FOCAD: variants seen among roughly 807,000 people sequenced by gnomAD.
FOCAD encodes KIAA1797.
In FOCAD, 198 loss-of-function variants were observed where a neutral mutation model predicts 225.6. That is an observed-to-expected ratio of 0.88 (90% CI 0.78 to 0.99). The LOEUF (loss-of-function observed/expected upper bound fraction) is 0.99. Ranked by LOEUF, FOCAD falls within the 50% of genes least tolerant of loss-of-function variation. The probability of loss-of-function intolerance (pLI) is 0.00; values close to 1 mark genes in which losing one functional copy is unlikely to be tolerated. For missense variants in FOCAD, 2,713 were observed against 2,123.6 expected, an observed-to-expected ratio of 1.28 and a Z score of -5.46; for synonymous variants, 897 against 755.0, an observed-to-expected ratio of 1.19 and a Z score of -3.08.
Position 20,715,301 on chromosome 9 carries a change from ATTCTT to A in FOCAD, c.-32-18_-32-14del. The stretch of plus-strand genomic sequence containing the variant: ...CAGACCAGTTGGAAGACTAACAAAT[ATTCTT>A]TTGTTTTGGTTACAGAAGCTGCACA... On this transcript the variant is annotated splice_polypyrimidine_tract_variant and intron_variant, in intron 1 of 43. Transcript: ENST00000338382. 2 of 1,204,512 alleles carry A rather than the reference ATTCTT, an allele frequency of 1.7e-6. No individual in the cohort carries two copies. The highest frequency in any genetic ancestry group is 4.2e-5 in the South Asian group (2 of 47,226). 74.6% of individuals were successfully genotyped at this position (1,204,512 alleles called of 1,614,324 possible).
At chr9:20,843,815 A>C (rs1207391392) in intron 15 of FOCAD, among the ~76,000 whole-genome samples, 1 of 152,174 alleles carries the variant, frequency 6.6e-6, no homozygotes, top group East Asian at 1.9e-4. Context: ...AGTGGCTGCC[A>C]CTTAATAAAT....
intron 21 of FOCAD, among the ~76,000 whole-genome samples, chr9:20,887,049 AC>A (rs1831157416): frequency 6.6e-6 from 1 of 152,116 alleles, no homozygotes; most frequent in African/African-American, 2.4e-5. Context: ...TTCTAGAAAT[AC>A]ATTTGGATTT....
intron 15 of FOCAD, among the ~76,000 whole-genome samples, chr9:20,824,212 A>G (rs1344959119): frequency 6.6e-6 from 1 of 152,108 alleles, no homozygotes; most frequent in Non-Finnish European, 1.5e-5. Flanking sequence ...TCTGTCAGTC[A>G]TCTGAGATTG....
At position 20,823,075 on chromosome 9, in the gene FOCAD, C is replaced by T. The variant is rs925918971; in HGVS notation, c.1880C>T (p.Ala627Val). 2 of 1,608,890 alleles carry T rather than the reference C, an allele frequency of 1.2e-6. No individual in the cohort carries two copies. The highest frequency in any genetic ancestry group is 8.5e-7 in the Non-Finnish European group (1 of 1,177,958). The part of the protein sequence containing the change: ...CTKPDQATPA[A>V]LVLQGLHALC... Reference sequence around the variant, plus strand: ...AAGCCTGATCAAGCTACTCCAGCAGCCTTGGTATTACAGGGTCTTCATGCA... The same window carrying T: ...AAGCCTGATCAAGCTACTCCAGCAGTCTTGGTATTACAGGGTCTTCATGCA... The change falls in exon 15 of 44, where the codon GCC (alanine) becomes GTC (valine). Residue 627 changes from alanine (A) to valine (V), a missense_variant. Ala to Val is a moderately conservative substitution (Grantham distance 64, BLOSUM62 0). Coordinates refer to ENST00000338382, the MANE Select transcript of FOCAD (RefSeq NM_001375567.1).
chr9:20,777,074 T>G (rs576293505), intron 8 of FOCAD, among the ~76,000 whole-genome samples: 2 of 152,276 alleles, frequency 1.3e-5, no homozygotes, highest in African/African-American at 4.8e-5. Flanking sequence ...TTCACGAATT[T>G]TTTTCTTTTG....
chr9:20,962,701 A>G (rs1838862719), intron 35 of FOCAD, among the ~76,000 whole-genome samples: 1 of 152,122 alleles, frequency 6.6e-6, no homozygotes, highest in Non-Finnish European at 1.5e-5. Context: ...GTTCGGATAT[A>G]CTGTTTATAT....
chr9:20,891,788 G>C (rs1216152630), intron 21 of FOCAD, among the ~76,000 whole-genome samples: 6 of 152,194 alleles, frequency 3.9e-5, no homozygotes, highest in African/African-American at 1.4e-4. Context: ...GATCTAGCTA[G>C]GATCATTGAT....
chr9:20,746,486 T>G (rs1222343298), intron 5 of FOCAD, among the ~76,000 whole-genome samples: 1 of 152,208 alleles, frequency 6.6e-6, no homozygotes, highest in Non-Finnish European at 1.5e-5. Flanking sequence ...TGTATTGAAA[T>G]AATTTTAAAG....
At chr9:20,909,191 T>C (rs573097174) in intron 22 of FOCAD, among the ~76,000 whole-genome samples, 35 of 152,240 alleles carry the variant, frequency 2.3e-4, no homozygotes, top group African/African-American at 8.4e-4. Context: ...GAGTAACTAG[T>C]GTGTGTCCAG....
intron 1 of FOCAD, among the ~76,000 whole-genome samples, chr9:20,685,759 A>G (rs1480038786): frequency 6.6e-6 from 1 of 152,202 alleles, no homozygotes; most frequent in East Asian, 1.9e-4. Flanking sequence ...TATCAATATT[A>G]TATCTATTTT....
intron 15 of FOCAD, among the ~76,000 whole-genome samples, chr9:20,836,706 T>A (rs774973047): frequency 3.2e-4 from 48 of 152,118 alleles, no homozygotes; most frequent in Non-Finnish European, 4.0e-4. Flanking sequence ...TTTGTCACCC[T>A]GCAAGTAGAT....
At chr9:20,722,476 C>A (rs188084242) in intron 4 of FOCAD, among the ~76,000 whole-genome samples, 1 of 152,226 alleles carries the variant, frequency 6.6e-6, no homozygotes, top group African/African-American at 2.4e-5. Flanking sequence ...TTCTCTGCTG[C>A]GCTAATTGTT....
At chr9:20,926,176 A>G in intron 25 of FOCAD, 125 bp from the exon 26 acceptor site, 1 of 622,568 alleles carries the variant, frequency 1.6e-6, no homozygotes, top group Non-Finnish European at 2.9e-6. Flanking sequence ...GTCCAAGCAG[A>G]TGAAGTTTAC....
chr9:20,928,497 T>C (rs1474337439), intron 26 of FOCAD, among the ~76,000 whole-genome samples: 2 of 152,172 alleles, frequency 1.3e-5, no homozygotes, highest in African/African-American at 2.4e-5. Flanking sequence ...AAACTTTAAA[T>C]TGGATAATAG....
At position 20,725,111 on chromosome 9, in the gene FOCAD, G is replaced by A. The variant is rs1826081799; in HGVS notation, c.287+4577G>A. 3.3e-5 allele frequency among the ~76,000 whole-genome samples: 5 copies of A among 152,330 alleles called. No homozygotes were observed. The South Asian group carries it at 1.0e-3, about 32-fold the overall frequency. On this transcript the variant is annotated intron_variant, in intron 4 of 43. Transcript: ENST00000338382. ...TTGCTTGAACCTGGAAGCAGAGGTA[G>A]CATTGAGCCAAGATCGCACTACTGC...
At chr9:20,924,995 C>A (rs751877729) in intron 25 of FOCAD, among the ~76,000 whole-genome samples, 1 of 152,030 alleles carries the variant, frequency 6.6e-6, no homozygotes, top group African/African-American at 2.4e-5. Context: ...GTGGGGAAGA[C>A]GGAACTCTGC....
intron 24 of FOCAD, among the ~76,000 whole-genome samples, chr9:20,922,823 A>T (rs529139356): frequency 6.6e-6 from 1 of 152,338 alleles, no homozygotes; most frequent in Admixed American, 6.5e-5. Flanking sequence ...CGAATTGGCA[A>T]ACCTAGAGCA....
At chr9:20,898,982 G>C (rs150433841) in intron 21 of FOCAD, among the ~76,000 whole-genome samples, 1 of 151,722 alleles carries the variant, frequency 6.6e-6, no homozygotes, top group Non-Finnish European at 1.5e-5. Flanking sequence ...TTCCTTAGGT[G>C]GGATAGGATG....
At chr9:20,702,591 C>T (rs1824048322) in intron 1 of FOCAD, among the ~76,000 whole-genome samples, 1 of 152,138 alleles carries the variant, frequency 6.6e-6, no homozygotes, top group Non-Finnish European at 1.5e-5. Flanking sequence ...AATAGTAGTA[C>T]TTATGTCATG....
Sources: allele counts gnomAD v4.1 joint callset (sites outside exome capture counted in the v4.1 genomes callset), GRCh38; gene constraint gnomAD v4.1.1; transcripts MANE v1.5; gene names NCBI Gene and HGNC (gene_info 2026-07-23, HGNC 2026-07-21).